AKAP10: variants seen among roughly 807,000 people sequenced by gnomAD.
AKAP10 encodes A-kinase anchoring protein 10.
AKAP10 carries 24 observed loss-of-function variants against 80.8 expected under a neutral mutation model. That is an observed-to-expected ratio of 0.30 (90% CI 0.22 to 0.42). The LOEUF is 0.42. Ranked by LOEUF, AKAP10 falls within the 10% of genes least tolerant of loss-of-function variation. The probability of loss-of-function intolerance (pLI) is 1.00; values close to 1 mark genes in which losing one functional copy is unlikely to be tolerated. For synonymous variants in AKAP10, 291 were observed against 277.7 expected (o/e 1.05, Z -0.48); for missense variants, 661 against 794.9 (o/e 0.83, Z 2.03).
rs759180805 is a variant in AKAP10, at chr17:19,968,594, G to A, written c.89-133C>T. 2.6e-4 allele frequency: 175 copies of A among 673,200 alleles called. 1 individual carries two copies. The highest frequency in any genetic ancestry group is 3.6e-4 in the Middle Eastern group (1 of 2,748). 41.7% of individuals were successfully genotyped at this position (673,200 alleles called of 1,614,324 possible). The stretch of plus-strand genomic sequence containing the variant: ...AGAACAATGGACAGCCTTGGAGGAG[G>A]GCACAGGAGGGTAGTTGTCAGCAAA... On this transcript the variant is annotated intron_variant, in intron 1 of 14. Coordinates refer to ENST00000225737, the MANE Select transcript of AKAP10 (RefSeq NM_007202.4).
intron 1 of AKAP10, among the ~76,000 whole-genome samples, chr17:19,976,465 C>T (rs1261794697): frequency 6.6e-6 from 1 of 151,454 alleles, no homozygotes; most frequent in Non-Finnish European, 1.5e-5. Context: ...CGAGCCTGGG[C>T]AACAAGAGCG....
rs145889310 is a variant in AKAP10, at chr17:19,942,186, G to C, written c.977-276C>G. Among the ~76,000 whole-genome samples, 26 of 152,160 alleles carry C rather than the reference G, an allele frequency of 1.7e-4. No individual in the cohort carries two copies. The East Asian group carries it at 4.6e-3, about 27-fold the overall frequency. On this transcript the variant is annotated intron_variant, in intron 5 of 14. Transcript: ENST00000225737. ...TACAAAGGCAAACAAACAGAAAAAA[G>C]ATTTGCAGCATGCATGACAGTTAAA...
At chr17:19,940,270 A>G (rs2043038318) in intron 7 of AKAP10, among the ~76,000 whole-genome samples, 1 of 152,238 alleles carries the variant, frequency 6.6e-6, no homozygotes, top group Non-Finnish European at 1.5e-5. Context: ...AGGGAGTGAG[A>G]AAACAAATCA....
In AKAP10 at chr17:19,920,029, C is replaced by G. The variant is rs761663598; in HGVS notation, c.1834+7G>C. 6.2e-7 allele frequency: 1 copy of G among 1,608,746 alleles called. No individual in the cohort carries two copies. The highest frequency in any genetic ancestry group is 1.1e-5 in the South Asian group (1 of 90,658). On this transcript the variant is annotated splice_region_variant and intron_variant, in intron 12 of 14. Coordinates refer to ENST00000225737, the MANE Select transcript of AKAP10 (RefSeq NM_007202.4). ...GGCTTAATATGAAGTATAAAAACACCACAAACCTTTTGATTTCCTTACATC... is the reference window on the plus strand; with the variant it reads ...GGCTTAATATGAAGTATAAAAACACGACAAACCTTTTGATTTCCTTACATC...
intron 10 of AKAP10, among the ~76,000 whole-genome samples, chr17:19,928,029 G>A (rs1299438959): frequency 6.6e-6 from 1 of 152,124 alleles, no homozygotes; most frequent in African/African-American, 2.4e-5. Context: ...TGACCAGCCT[G>A]GCTAACATGG....
intron 5 of AKAP10, among the ~76,000 whole-genome samples, chr17:19,946,238 TATATATATATATATATATATATA>T (rs1567765511): frequency 6.8e-4 from 6 of 8,794 alleles, no homozygotes; most frequent in African/African-American, 3.1e-3. Flanking sequence ...ATATATATAT[TATATATATATATATATATATATA>T]TATATATATA....
rs559909760 is a variant in AKAP10 at position 19,916,891 on chromosome 17, C to T, written c.1834+3145G>A. Among the ~76,000 whole-genome samples, 8 of 150,416 alleles carry T rather than the reference C, an allele frequency of 5.3e-5. No individual in the cohort carries two copies. In the South Asian group the frequency reaches 6.3e-4, roughly 12 times the overall value. On this transcript the variant is annotated intron_variant, in intron 12 of 14. Coordinates refer to ENST00000225737, the MANE Select transcript of AKAP10 (RefSeq NM_007202.4). ...GGCAGAGCTTGCAGTGAGCCGACATCGTGCCACTACACTCCAGCCCGGGCG... is the reference window on the plus strand; with the variant it reads ...GGCAGAGCTTGCAGTGAGCCGACATTGTGCCACTACACTCCAGCCCGGGCG...
chr17:19,920,814 C>T (rs1366630334), intron 11 of AKAP10, among the ~76,000 whole-genome samples: 1 of 124,710 alleles, frequency 8.0e-6, no homozygotes, highest in Non-Finnish European at 1.6e-5. Context: ...CGAGATCATA[C>T]CATTGCACTC....
chr17:19,941,046 A>T, intron 6 of AKAP10, 36 bp from the exon 7 acceptor site: 1 of 1,581,224 alleles, frequency 6.3e-7, no homozygotes, highest in South Asian at 1.2e-5. Context: ...TGAGGGAACG[A>T]CCAAGGAAAG....
At chr17:19,916,824 C>A (rs1242965959) in intron 12 of AKAP10, among the ~76,000 whole-genome samples, 2 of 151,930 alleles carry the variant, frequency 1.3e-5, no homozygotes, top group East Asian at 3.9e-4. Context: ...GTGGTCCCTG[C>A]TACTCAGGAG....
At chr17:19,920,748 CAGG>C (rs1472196306) in intron 11 of AKAP10, among the ~76,000 whole-genome samples, 2 of 146,422 alleles carry the variant, frequency 1.4e-5, no homozygotes, top group African/African-American at 5.1e-5. Context: ...GAGGCTAAGG[CAGG>C]AGAATTGCTT....
chr17:19,940,959 T>A lies in AKAP10; in HGVS notation c.1113A>T (p.Glu371Asp). The A allele has an allele frequency of 6.2e-7, 1 of 1,611,898 alleles. No homozygotes were observed. The highest frequency in any genetic ancestry group is 8.5e-7 in the Non-Finnish European group (1 of 1,179,454). The change falls in exon 7 of 15, where the codon GAA (glutamate) becomes GAT (aspartate). Residue 371 changes from glutamate (E) to aspartate (D), a missense_variant. Physicochemically the swap from Glu to Asp is conservative, Grantham distance 45. Coordinates refer to ENST00000225737, the MANE Select transcript of AKAP10 (RefSeq NM_007202.4). The part of the protein sequence containing the change: ...RSHHFCKYQI[E>D]VLTSGTVYLA... ...GGTAAACAGTTCCACTGGTCAGCACTTCAATCTGGTATTTACAGAAATGGT... is the reference window on the plus strand; with the variant it reads ...GGTAAACAGTTCCACTGGTCAGCACATCAATCTGGTATTTACAGAAATGGT...
Position 19,906,200 on chromosome 17 carries a change from C to G in AKAP10, c.*27G>C. 1.2e-6 allele frequency: 2 copies of G among 1,604,254 alleles called. No homozygotes were observed. The highest frequency in any genetic ancestry group is 1.7e-6 in the Non-Finnish European group (2 of 1,174,190). On this transcript the variant is annotated 3_prime_UTR_variant, in exon 15 of 15. Transcript: ENST00000225737. ...AAAAAGTTCTCTTATTTTTCACAAG[C>G]AGATTTCCTTTATCTCAAGTTTTGA... is the stretch of plus-strand genomic sequence containing the variant.
chr17:19,933,858 TCTC>T, intron 9 of AKAP10, among the ~76,000 whole-genome samples: 1 of 152,028 alleles, frequency 6.6e-6, no homozygotes, highest in East Asian at 1.9e-4. Context: ...CCTGGAAAAA[TCTC>T]CTCTAGTTCA....
At chr17:19,909,799 GT>G (rs2152409215) in intron 13 of AKAP10, 126 bp downstream of exon 13, 1 of 752,616 alleles carries the variant, frequency 1.3e-6, no homozygotes, top group Non-Finnish European at 2.2e-6. Flanking sequence ...TACATTCTGG[GT>G]AAGAGAACAT....
At position 19,922,181 on chromosome 17, in the gene AKAP10, G is replaced by A. The variant is rs1447282520; in HGVS notation, c.1752-2063C>T. Among the ~76,000 whole-genome samples the A allele has an allele frequency of 2.0e-5, 3 of 152,138 alleles. No individual in the cohort carries two copies. The East Asian group carries it at 5.8e-4, about 29-fold the overall frequency. ...CCCAGCACTTTGGGAGGCTGAGGAAGGTGGATCACTTGACGTCAAGAATAA... is the reference window on the plus strand; with the variant it reads ...CCCAGCACTTTGGGAGGCTGAGGAAAGTGGATCACTTGACGTCAAGAATAA... On this transcript the variant is annotated intron_variant, in intron 11 of 14. Coordinates refer to ENST00000225737, the MANE Select transcript of AKAP10 (RefSeq NM_007202.4).
chr17:19,916,450 A>G (rs1322993197), intron 12 of AKAP10, among the ~76,000 whole-genome samples: 1 of 152,226 alleles, frequency 6.6e-6, no homozygotes, highest in Non-Finnish European at 1.5e-5. Flanking sequence ...GAATAGAACG[A>G]GCAGAGATAG....
Position 19,971,294 on chromosome 17 carries a change from A to T in AKAP10, c.89-2833T>A, listed in dbSNP as rs1017900746. ...GAGGCCAAGTTGGGTGGAACACTTG[A>T]GGTCAGGAGTTCAAGACCAGCCTGG... On this transcript the variant is annotated intron_variant, in intron 1 of 14. Coordinates refer to ENST00000225737, the MANE Select transcript of AKAP10 (RefSeq NM_007202.4). Among the ~76,000 whole-genome samples the T allele has an allele frequency of 2.0e-5, 3 of 151,952 alleles. No homozygotes were observed. In the East Asian group the frequency reaches 5.9e-4, roughly 30 times the overall value.
At chr17:19,949,752 AAG>A (rs1488803303) in intron 4 of AKAP10, among the ~76,000 whole-genome samples, 2 of 150,222 alleles carry the variant, frequency 1.3e-5, no homozygotes, top group African/African-American at 4.9e-5. Flanking sequence ...TGGTAACAGA[AAG>A]AGAGACTCTG....
Sources: allele counts gnomAD v4.1 joint callset (sites outside exome capture counted in the v4.1 genomes callset), GRCh38; gene constraint gnomAD v4.1.1; transcripts MANE v1.5; gene names NCBI Gene and HGNC (gene_info 2026-07-23, HGNC 2026-07-21).